The following CNBD2 variants were observed in gnomAD, a reference collection of about 807,000 sequenced individuals.
The protein encoded by CNBD2 is cyclic nucleotide binding domain containing 2.
A neutral mutation model predicts 63.7 loss-of-function variants in CNBD2; 64 were observed. The observed-to-expected ratio is 1.00, with a 90% confidence interval of 0.82 to 1.24. CNBD2 has a LOEUF of 1.24. CNBD2 is among the 50% of genes most tolerant of loss of function. CNBD2 has a pLI of 0.00. For missense variants in CNBD2, 691 were observed against 713.5 expected, an observed-to-expected ratio of 0.97 and a Z score of 0.36; for synonymous variants, 229 against 255.4, an observed-to-expected ratio of 0.90 and a Z score of 0.99.
intron 1 of CNBD2, among the ~76,000 whole-genome samples, chr20:35,971,695 C>T (rs768511097): frequency 2.6e-5 from 4 of 152,168 alleles, no homozygotes; most frequent in South Asian, 4.1e-4. Context: ...GGATTACAGG[C>T]GTGAGCCACC....
chr20:36,025,503 T>C (rs1302124561), intron 11 of CNBD2, among the ~76,000 whole-genome samples: 2 of 152,148 alleles, frequency 1.3e-5, no homozygotes, highest in African/African-American at 2.4e-5. Context: ...CTCAGCTAAT[T>C]GAAAATTTTT....
intron 4 of CNBD2, 91 bp downstream of exon 4, chr20:35,980,713 C>A: frequency 1.7e-6 from 2 of 1,205,242 alleles, no homozygotes; most frequent in Non-Finnish European, 2.3e-6. Flanking sequence ...CCTGCCCACC[C>A]CTCTGCATAA....
chr20:35,996,537 TCA>T (rs1347799478), intron 8 of CNBD2, among the ~76,000 whole-genome samples: 33 of 149,416 alleles, frequency 2.2e-4, no homozygotes. Context: ...AGACAGAGTC[TCA>T]CTCTGTTGCC....
intron 10 of CNBD2, among the ~76,000 whole-genome samples, chr20:36,013,735 G>A (rs2057095227): frequency 6.6e-6 from 1 of 152,178 alleles, no homozygotes; most frequent in South Asian, 2.1e-4. Flanking sequence ...GGATGGCAGA[G>A]GGTGGGAGCC....
At chr20:35,978,496 C>T (rs1161920377) in intron 3 of CNBD2, among the ~76,000 whole-genome samples, 3 of 152,118 alleles carry the variant, frequency 2.0e-5, no homozygotes, top group Admixed American at 6.6e-5. Context: ...AGGCGCCTGC[C>T]ACCACGCCCT....
At chr20:36,009,574 G>A (rs1482730909) in intron 9 of CNBD2, among the ~76,000 whole-genome samples, 1 of 150,728 alleles carries the variant, frequency 6.6e-6, no homozygotes, top group Non-Finnish European at 1.5e-5. Flanking sequence ...GCTTATGCCT[G>A]TAATCCCAAC....
At chr20:36,012,754 G>A (rs1470559061) in intron 10 of CNBD2, among the ~76,000 whole-genome samples, 7 of 150,690 alleles carry the variant, frequency 4.6e-5, no homozygotes, top group African/African-American at 7.3e-5. Flanking sequence ...CCTAGGAGGC[G>A]GAGGTTGCAG....
intron 8 of CNBD2, among the ~76,000 whole-genome samples, chr20:36,006,537 C>G (rs1168596429): frequency 6.6e-6 from 1 of 152,144 alleles, no homozygotes; most frequent in Non-Finnish European, 1.5e-5. Context: ...CCACTTTAGC[C>G]TCCTGAGTAG....
At chr20:36,018,770 A>T (rs989343030) in intron 10 of CNBD2, among the ~76,000 whole-genome samples, 1 of 152,244 alleles carries the variant, frequency 6.6e-6, no homozygotes, top group Non-Finnish European at 1.5e-5. Flanking sequence ...TGGGCAGGCC[A>T]GAGCCATGGG....
intron 6 of CNBD2, among the ~76,000 whole-genome samples, chr20:35,987,164 TAA>T (rs1177615130): frequency 1.3e-5 from 2 of 151,130 alleles, no homozygotes; most frequent in African/African-American, 4.9e-5. Context: ...TGAGCAGCAG[TAA>T]AGAGGGGAGC....
chr20:35,971,460 G>A (rs948682518), intron 1 of CNBD2, among the ~76,000 whole-genome samples: 1 of 152,052 alleles, frequency 6.6e-6, no homozygotes, highest in Middle Eastern at 3.2e-3. Context: ...CTGTCACCCA[G>A]GCTGTAGTGC....
upstream of CNBD2, chr20:35,954,440 G>GA (rs1421346169): frequency 1.9e-6 from 3 of 1,549,736 alleles, no homozygotes; most frequent in Non-Finnish European, 2.6e-6. Context: ...AGAGTGTGCG[G>GA]AGCTTACCTG....
chr20:36,024,818 C>T (rs2057264222), intron 11 of CNBD2, among the ~76,000 whole-genome samples: 1 of 151,976 alleles, frequency 6.6e-6, no homozygotes, highest in African/African-American at 2.4e-5. Context: ...ACCTTTACTC[C>T]CAGCTACTCA....
At chr20:35,992,741 A>AC in intron 7 of CNBD2, among the ~76,000 whole-genome samples, 1 of 150,126 alleles carries the variant, frequency 6.7e-6, no homozygotes, top group African/African-American at 2.5e-5. Context: ...TTGGTACAGC[A>AC]CCCCCTCCCC....
chr20:35,963,906 A>G (rs1452904375), upstream of CNBD2, among the ~76,000 whole-genome samples: 3 of 152,212 alleles, frequency 2.0e-5, no homozygotes, highest in Non-Finnish European at 4.4e-5. Context: ...TGCCTGGCAG[A>G]TGACTTAATT....
chr20:35,993,867 CTTTTTTTTTTTTT>C (rs58873487), intron 7 of CNBD2, among the ~76,000 whole-genome samples: 120 of 86,462 alleles, frequency 1.4e-3, no homozygotes, highest in African/African-American at 5.5e-3. Context: ...TTCAGCTAAT[CTTTTTTTTTTTTT>C]TTTTTTTTTT....
chr20:35,971,491 C>T (rs1011588313), intron 1 of CNBD2, among the ~76,000 whole-genome samples: 110 of 152,228 alleles, frequency 7.2e-4, no homozygotes, highest in African/African-American at 2.5e-3. Flanking sequence ...TCTCAGCTCA[C>T]TGCAACCTCT....
At chr20:35,964,593 C>T (rs1312053290), upstream of CNBD2, among the ~76,000 whole-genome samples, 1 of 149,040 alleles carries the variant, frequency 6.7e-6, no homozygotes, top group Non-Finnish European at 1.5e-5. Context: ...GATGGGGTTT[C>T]ACCATGTTAG....
At chr20:35,968,020 A>G (rs147464095), upstream of CNBD2, among the ~76,000 whole-genome samples, 122 of 152,284 alleles carry the variant, frequency 8.0e-4, no homozygotes, top group Admixed American at 2.3e-3. Flanking sequence ...GGGCTAACTC[A>G]TGGGCAATGA....
Sources: gnomAD v4.1 joint callset for allele counts (sites outside exome capture counted in the v4.1 genomes callset) on GRCh38, gnomAD v4.1.1 for gene constraint, MANE v1.5 for transcripts, NCBI Gene and HGNC (gene_info 2026-07-23, HGNC 2026-07-21) for gene names.